USP45: variants seen among roughly 807,000 people sequenced by gnomAD.
USP45 encodes the protein ubiquitin specific peptidase 45, also known as ubiquitin carboxyl-terminal hydrolase 45.
A neutral mutation model predicts 95.8 loss-of-function variants in USP45; 89 were observed. That is an observed-to-expected ratio of 0.93 (90% CI 0.78 to 1.11). USP45 has a LOEUF of 1.11. Among genes scored for constraint, USP45 ranks in the 50% least tolerant of loss-of-function variants. The probability of loss-of-function intolerance (pLI) is 0.00; values close to 1 mark genes in which losing one functional copy is unlikely to be tolerated. For missense variants in USP45, 898 were observed against 942.5 expected (o/e 0.95, Z 0.62); for synonymous variants, 281 against 316.2 (o/e 0.89, Z 1.18).
chr6:99,510,590 A>G lies in USP45; in HGVS notation c.-10-360T>C, dbSNP rs72926238. 3.2e-3 allele frequency among the ~76,000 whole-genome samples: 482 copies of G among 152,308 alleles called. 2 individuals are homozygous for G. Among genetic ancestry groups the G allele is most frequent in the Non-Finnish European group, 5.0e-3 (338 of 68,018 alleles). ...TCATGAATGAGACTGGCCTCTTATAATAAGAGGCTAGAAAGCTACCTTTGT... is the reference window on the plus strand; with the variant it reads ...TCATGAATGAGACTGGCCTCTTATAGTAAGAGGCTAGAAAGCTACCTTTGT... On this transcript the variant is annotated intron_variant, in intron 1 of 17. Transcript: ENST00000500704.
chr6:99,509,515 A>C (rs940396053), intron 2 of USP45, among the ~76,000 whole-genome samples: 9 of 152,228 alleles, frequency 5.9e-5, no homozygotes, highest in African/African-American at 1.9e-4. Flanking sequence ...AGTGAGGAAA[A>C]TCCTCAGAGG....
intron 13 of USP45, among the ~76,000 whole-genome samples, 166 bp downstream of exon 13, chr6:99,464,437 GT>G (rs2128626696): frequency 6.6e-6 from 1 of 152,306 alleles, no homozygotes; most frequent in Admixed American, 6.5e-5. Flanking sequence ...AGGGGAGGAT[GT>G]GGGATATATA....
At chr6:99,481,762 G>A (rs938686488) in intron 8 of USP45, among the ~76,000 whole-genome samples, 4 of 152,072 alleles carry the variant, frequency 2.6e-5, no homozygotes, top group African/African-American at 9.7e-5. Flanking sequence ...AGAACATGTG[G>A]TATCTGGTTT....
At chr6:99,446,928 G>T (rs1782671468) in intron 13 of USP45, among the ~76,000 whole-genome samples, 1 of 152,114 alleles carries the variant, frequency 6.6e-6, no homozygotes, top group African/African-American at 2.4e-5. Flanking sequence ...ATTTTTTGTA[G>T]AGATAAAGTC....
chr6:99,466,878 T>C lies in USP45; in HGVS notation c.1016-115A>G. On this transcript the variant is annotated intron_variant, in intron 10 of 17. Coordinates refer to ENST00000500704, the MANE Select transcript of USP45 (RefSeq NM_001346022.3). ...CTGAATAAGATATTCTGTACTACAT[T>C]TAATAATACATTTTACTATACATAC... is the stretch of plus-strand genomic sequence containing the variant. The C allele has an allele frequency of 4.3e-6, 3 of 690,360 alleles. No homozygotes were observed. The South Asian group carries it at 5.6e-5, about 13-fold the overall frequency. The allele number at this position is 690,360 out of a possible 1,614,324, so 42.8% of individuals were successfully genotyped here. A position where few individuals can be genotyped will look rare whatever the true frequency, so the allele number is the denominator to read the frequency against.
intron 14 of USP45, among the ~76,000 whole-genome samples, chr6:99,444,334 G>A (rs1386099114): frequency 6.6e-6 from 1 of 152,050 alleles, no homozygotes; most frequent in Non-Finnish European, 1.5e-5. Flanking sequence ...AAATTCCTAA[G>A]ATTTATGTTA....
At chr6:99,471,228 G>A (rs1023685706) in intron 9 of USP45, among the ~76,000 whole-genome samples, 9 of 152,110 alleles carry the variant, frequency 5.9e-5, no homozygotes, top group East Asian at 5.8e-4. Context: ...ATGAGTTTAC[G>A]TCCATATACA....
In USP45 at chr6:99,501,138, T is replaced by G. The variant is rs181459989; in HGVS notation, c.478+2627A>C. On this transcript the variant is annotated intron_variant, in intron 5 of 17. Transcript: ENST00000500704. ...ATTCCTCCCACTCTCCCTCCCTCAC[T>G]ACATGTAATCCACTCACTCCCCATG... 1.8e-3 allele frequency among the ~76,000 whole-genome samples: 269 copies of G among 152,080 alleles called. 2 individuals carry two copies. Among genetic ancestry groups the G allele is most frequent in the East Asian group, 5.4e-3 (28 of 5,178 alleles).
rs1329192928 is a variant in USP45, at chr6:99,469,471, A to AT, written c.934-854_934-853insA. Among the ~76,000 whole-genome samples the AT allele has an allele frequency of 6.7e-3, 506 of 75,906 alleles. 6 individuals are homozygous for AT. Among genetic ancestry groups the AT allele is most frequent in the Non-Finnish European group, 8.6e-3 (298 of 34,712 alleles). 49.8% of individuals were successfully genotyped at this position (75,906 alleles called of 152,430 possible). ...ATATATATATAATTAATATATATATAATATATATATATATATTTTTTTTTT... is the reference window on the plus strand; with the variant it reads ...ATATATATATAATTAATATATATATATATATATATATATATATTTTTTTTTT... On this transcript the variant is annotated intron_variant, in intron 9 of 17. Coordinates refer to ENST00000500704, the MANE Select transcript of USP45 (RefSeq NM_001346022.3).
chr6:99,510,802 C>T (rs1161141853), intron 1 of USP45, among the ~76,000 whole-genome samples: 3 of 152,150 alleles, frequency 2.0e-5, no homozygotes, highest in Non-Finnish European at 4.4e-5. Flanking sequence ...CAAGACACAA[C>T]CCCTAAATAT....
At chr6:99,514,278 T>A (rs1400030512) in intron 1 of USP45, among the ~76,000 whole-genome samples, 1 of 152,084 alleles carries the variant, frequency 6.6e-6, no homozygotes, top group Non-Finnish European at 1.5e-5. Flanking sequence ...ACAAAACACA[T>A]CCTTCCTCCA....
chr6:99,485,432 A>T (rs889371513), intron 7 of USP45, among the ~76,000 whole-genome samples: 1 of 152,244 alleles, frequency 6.6e-6, no homozygotes, highest in African/African-American at 2.4e-5. Context: ...AATTTCACAC[A>T]TAATGTTGAC....
intron 2 of USP45, among the ~76,000 whole-genome samples, chr6:99,509,851 G>C (rs1799384497): frequency 1.3e-5 from 2 of 152,162 alleles, no homozygotes; most frequent in South Asian, 4.2e-4. Flanking sequence ...AGGTGGGGTG[G>C]GGTAGTTGGT....
intron 5 of USP45, among the ~76,000 whole-genome samples, chr6:99,490,478 C>T (rs540754911): frequency 1.1e-4 from 17 of 152,104 alleles, no homozygotes; most frequent in African/African-American, 3.6e-4. Context: ...CCGTAGCCAG[C>T]CAGCCCTTAG....
intron 5 of USP45, among the ~76,000 whole-genome samples, chr6:99,501,284 AT>A (rs1429957824): frequency 1.3e-5 from 2 of 151,274 alleles, no homozygotes; most frequent in African/African-American, 4.9e-5. Flanking sequence ...ACTTATCTTT[AT>A]TTTTTTAAAA....
In USP45 at chr6:99,466,656, A is replaced by AT. The variant is rs1455966368; in HGVS notation, c.1107+15dup. On this transcript the variant is annotated intron_variant, in intron 11 of 17. Coordinates refer to ENST00000500704, the MANE Select transcript of USP45 (RefSeq NM_001346022.3). ...TGTAATCCATTCCATGCTGAATTGA[A>AT]TTCTAAAGTACCTACATTTGCACAT... The AT allele has an allele frequency of 3.1e-6, 5 of 1,593,378 alleles. No individual in the cohort carries two copies. Among genetic ancestry groups the AT allele is most frequent in the Non-Finnish European group, 4.3e-6 (5 of 1,162,310 alleles).
intron 13 of USP45, among the ~76,000 whole-genome samples, chr6:99,455,477 AC>A (rs1212624084): frequency 4.0e-5 from 6 of 151,798 alleles, no homozygotes; most frequent in African/African-American, 1.2e-4. Flanking sequence ...AACAACAACA[AC>A]AACAAACTAA....
chr6:99,511,595 G>A (rs780950984), intron 1 of USP45, among the ~76,000 whole-genome samples: 17 of 151,942 alleles, frequency 1.1e-4, no homozygotes, highest in Non-Finnish European at 2.4e-4. Flanking sequence ...GACTACAGGT[G>A]CACACCACAA....
At chr6:99,454,224 T>C (rs2128585535) in intron 13 of USP45, among the ~76,000 whole-genome samples, 1 of 152,286 alleles carries the variant, frequency 6.6e-6, no homozygotes, top group Non-Finnish European at 1.5e-5. Flanking sequence ...GACGCCCTCT[T>C]CAACAAATGG....
Sources: gnomAD v4.1 joint callset for allele counts (sites outside exome capture counted in the v4.1 genomes callset) on GRCh38, gnomAD v4.1.1 for gene constraint, MANE v1.5 for transcripts, NCBI Gene and HGNC (gene_info 2026-07-23, HGNC 2026-07-21) for gene names.